PARVB: variants seen among roughly 807,000 people sequenced by gnomAD.
PARVB encodes beta-parvin.
In PARVB, 46 loss-of-function variants were observed where a neutral mutation model predicts 47.0. The observed-to-expected ratio is 0.98, with a 90% CI of 0.77 to 1.25. The LOEUF is 1.25. Ranked by LOEUF, PARVB falls within the 50% of genes most tolerant of loss-of-function variation. The pLI, the probability that PARVB is intolerant of heterozygous loss-of-function variation, is 0.00. For missense variants in PARVB, 473 were observed against 471.6 expected (o/e 1.00, Z -0.03); for synonymous variants, 196 against 196.3 (o/e 1.00, Z 0.01).
At chr22:44,097,386 C>T (rs916923145) in intron 2 of PARVB, among the ~76,000 whole-genome samples, 26 of 152,186 alleles carry the variant, frequency 1.7e-4, no homozygotes, top group African/African-American at 5.3e-4. Context: ...CCCTCTAGGC[C>T]GCGTGAGCAG....
At chr22:43,999,963 C>G (rs1007756142) in intron 2 of PARVB, among the ~76,000 whole-genome samples, 32 of 151,478 alleles carry the variant, frequency 2.1e-4, no homozygotes, top group African/African-American at 7.5e-4. Context: ...GCCGTGATTG[C>G]ACCACTGCAC....
At chr22:44,051,931 A>G (rs1254076612) in intron 1 of PARVB, among the ~76,000 whole-genome samples, 2 of 151,334 alleles carry the variant, frequency 1.3e-5, no homozygotes, top group Non-Finnish European at 2.9e-5. Flanking sequence ...ATGCTGCCAC[A>G]AGCCAAGATG....
At chr22:44,011,981 T>C (rs1317136018) in intron 2 of PARVB, among the ~76,000 whole-genome samples, 1 of 152,134 alleles carries the variant, frequency 6.6e-6, no homozygotes, top group Non-Finnish European at 1.5e-5. Context: ...CAGACTAAGG[T>C]GTGAATGTCT....
chr22:44,131,773 G>T (rs979720577), intron 5 of PARVB, 146 bp downstream of exon 5: 27 of 838,544 alleles, frequency 3.2e-5, no homozygotes, highest in Non-Finnish European at 4.7e-5. Context: ...TCTGTAAGAG[G>T]TAGAACATTG....
chr22:44,014,068 A>C (rs1407165582), intron 2 of PARVB, among the ~76,000 whole-genome samples: 1 of 152,256 alleles, frequency 6.6e-6, no homozygotes, highest in Non-Finnish European at 1.5e-5. Flanking sequence ...AAAGAAAAGA[A>C]GAGAAAAAGA....
At position 44,078,505 on chromosome 22, in the gene PARVB, T is replaced by C. The variant is rs1020874515; in HGVS notation, c.113-15423T>C. On this transcript the variant is annotated intron_variant, in intron 1 of 12. Transcript: ENST00000338758. ...ATCTGGACCTAGTAAAAGGCTCTGG[T>C]CCTCCTGCTTCCTCTTGTAAGGACC... Among the ~76,000 whole-genome samples, 8 of 152,252 alleles carry C rather than the reference T, an allele frequency of 5.3e-5. No individual in the cohort carries two copies. The East Asian group carries it at 5.8e-4, about 11-fold the overall frequency.
At chr22:44,031,232 G>A (rs1167032283) in intron 1 of PARVB, 4 of 152,230 alleles carry the variant, frequency 2.6e-5, no homozygotes, top group Non-Finnish European at 5.9e-5. Flanking sequence ...TCAGGGTGGT[G>A]AGTGGAACTC....
chr22:44,082,855 G>A (rs763277584), intron 1 of PARVB, among the ~76,000 whole-genome samples: 3 of 152,228 alleles, frequency 2.0e-5, no homozygotes, highest in Middle Eastern at 3.4e-3. Flanking sequence ...CATGGGCTTC[G>A]GAGCTTTTTT....
At chr22:44,151,029 C>CAAAAAAAAAAAAAAAAAAAAA (rs35913551) in intron 9 of PARVB, 6 of 51,666 alleles carry the variant, frequency 1.2e-4, no homozygotes, top group African/African-American at 4.6e-4. Context: ...GAGACTGTCT[C>CAAAAAAAAAAAAAAAAAAAAA]AAAAAAAAAA....
At chr22:44,105,050 C>T (rs1450171066) in intron 3 of PARVB, 2 of 152,236 alleles carry the variant, frequency 1.3e-5, no homozygotes, top group African/African-American at 2.4e-5. Flanking sequence ...GCGTTACTCT[C>T]CCGGTGATGT....
chr22:44,034,911 A>G (rs527976869), intron 1 of PARVB, among the ~76,000 whole-genome samples: 46 of 151,882 alleles, frequency 3.0e-4, no homozygotes, highest in Admixed American at 5.2e-4. Context: ...GAGTTTCACC[A>G]TGTTGGCCAG....
At chr22:44,025,197 G>A (rs1264741622) in intron 1 of PARVB, among the ~76,000 whole-genome samples, 1 of 151,998 alleles carries the variant, frequency 6.6e-6, no homozygotes, top group Non-Finnish European at 1.5e-5. Context: ...GGGAGCTGCT[G>A]TGGAAAGGCA....
chr22:44,134,565 G>A (rs948806045), intron 6 of PARVB, among the ~76,000 whole-genome samples: 1 of 152,206 alleles, frequency 6.6e-6, no homozygotes, highest in Admixed American at 6.5e-5. Context: ...GAGGAGTGTT[G>A]TTTGGCCACG....
intron 2 of PARVB, among the ~76,000 whole-genome samples, chr22:44,098,696 T>C (rs1404218995): frequency 1.3e-5 from 2 of 152,208 alleles, no homozygotes; most frequent in African/African-American, 4.8e-5. Flanking sequence ...GCATCAGATC[T>C]GTATGACTTC....
At chr22:44,156,429 A>G (rs937700169) in intron 10 of PARVB, among the ~76,000 whole-genome samples, 3 of 151,670 alleles carry the variant, frequency 2.0e-5, no homozygotes, top group Non-Finnish European at 2.9e-5. Flanking sequence ...ACAGGCATGC[A>G]CCACCACACC....
intron 12 of PARVB, among the ~76,000 whole-genome samples, chr22:44,167,262 G>C (rs139093): frequency 0.021 from 3,201 of 152,348 alleles, 62 homozygotes; most frequent in Non-Finnish European, 0.035. Context: ...CTCGATGGTG[G>C]GGTGGGTGTT....
intron 1 of PARVB, among the ~76,000 whole-genome samples, chr22:44,040,416 A>C (rs568362634): frequency 6.6e-6 from 1 of 152,178 alleles, no homozygotes; most frequent in Non-Finnish European, 1.5e-5. Context: ...TGCAGGTGTG[A>C]TTAAGTTAAG....
intron 4 of PARVB, among the ~76,000 whole-genome samples, chr22:44,131,037 C>CTCCT (rs1405655088): frequency 9.7e-6 from 1 of 103,426 alleles, no homozygotes; most frequent in Non-Finnish European, 2.0e-5. Flanking sequence ...TCTCCCCTTC[C>CTCCT]TCCCTCCCTC....
chr22:44,061,116 C>T (rs562290602), intron 1 of PARVB, among the ~76,000 whole-genome samples: 5 of 152,224 alleles, frequency 3.3e-5, no homozygotes, highest in South Asian at 4.2e-4. Context: ...CCCCTCGCCA[C>T]GCGTGGGGAC....
Sources: allele counts gnomAD v4.1 joint callset (sites outside exome capture counted in the v4.1 genomes callset), GRCh38; gene constraint gnomAD v4.1.1; transcripts MANE v1.5; gene names NCBI Gene and HGNC (gene_info 2026-07-23, HGNC 2026-07-21).